Variants in PDE4D observed in about 807,000 individuals in gnomAD.
PDE4D encodes the protein 3',5'-cyclic-AMP phosphodiesterase 4D.
A neutral mutation model predicts 87.4 loss-of-function variants in PDE4D; 24 were observed. The observed-to-expected ratio is 0.27, with a 90% confidence interval of 0.20 to 0.39. PDE4D has a LOEUF of 0.39. Ranked by LOEUF, PDE4D falls within the 10% of genes least tolerant of loss-of-function variation. The pLI is 1.00. For missense variants in PDE4D, 714 were observed against 1,041.0 expected (o/e 0.69, Z 4.32); for synonymous variants, 384 against 383.2 (o/e 1.00, Z -0.02).
At chr5:60,318,915 A>AC (rs1305293918) in intron 1 of PDE4D, among the ~76,000 whole-genome samples, 3 of 152,086 alleles carry the variant, frequency 2.0e-5, no homozygotes, top group Non-Finnish European at 4.4e-5. Context: ...GCTGCCCTTA[A>AC]CATTTTTTCC....
At chr5:59,209,569 T>A (rs1347867888) in intron 2 of PDE4D, among the ~76,000 whole-genome samples, 4 of 152,140 alleles carry the variant, frequency 2.6e-5, no homozygotes, top group Non-Finnish European at 4.4e-5. Context: ...GCCCTTAATA[T>A]CTCAATTTTT....
intron 3 of PDE4D, among the ~76,000 whole-genome samples, chr5:59,937,893 T>C (rs1756775889): frequency 6.6e-6 from 1 of 152,208 alleles, no homozygotes; most frequent in Non-Finnish European, 1.5e-5. Context: ...ATGCTTCCTC[T>C]AAGGATCAAT....
intron 1 of PDE4D, among the ~76,000 whole-genome samples, chr5:59,705,943 G>A (rs920307284): frequency 5.3e-5 from 8 of 152,004 alleles, no homozygotes; most frequent in African/African-American, 9.7e-5. Flanking sequence ...CAGGAAGTTG[G>A]GGAAAGTACA....
At chr5:59,253,559 T>A (rs974865751) in intron 1 of PDE4D, among the ~76,000 whole-genome samples, 1 of 151,828 alleles carries the variant, frequency 6.6e-6, no homozygotes, top group African/African-American at 2.4e-5. Flanking sequence ...AATGTATGCA[T>A]TTTTTTCATT....
intron 1 of PDE4D, among the ~76,000 whole-genome samples, chr5:59,279,512 G>A (rs1476532830): frequency 6.6e-6 from 1 of 152,004 alleles, no homozygotes; most frequent in Non-Finnish European, 1.5e-5. Flanking sequence ...ATTCCCAAAG[G>A]AGAAGTCCGG....
At chr5:60,000,308 G>A (rs1554131360) in intron 2 of PDE4D, among the ~76,000 whole-genome samples, 1 of 152,070 alleles carries the variant, frequency 6.6e-6, no homozygotes, top group Admixed American at 6.6e-5. Flanking sequence ...AAATATCAAA[G>A]ACAAAAAGGG....
At chr5:59,976,883 C>T (rs1187219579) in intron 3 of PDE4D, among the ~76,000 whole-genome samples, 9 of 152,078 alleles carry the variant, frequency 5.9e-5, no homozygotes, top group African/African-American at 2.2e-4. Context: ...TTGGATGTTA[C>T]TATTTTAATT....
intron 5 of PDE4D, among the ~76,000 whole-genome samples, chr5:59,164,549 G>A (rs1781607814): frequency 6.6e-6 from 1 of 152,136 alleles, no homozygotes; most frequent in Admixed American, 6.5e-5. Context: ...CTTTCCCAAA[G>A]TCAAATAGCT....
At chr5:59,971,363 AAAAT>A (rs371424891) in intron 3 of PDE4D, among the ~76,000 whole-genome samples, 4 of 145,978 alleles carry the variant, frequency 2.7e-5, no homozygotes, top group Non-Finnish European at 6.0e-5. Context: ...ATAATAATAA[AAAAT>A]AAATAAATAA....
chr5:60,456,686 G>A (rs564232737), intron 1 of PDE4D, among the ~76,000 whole-genome samples: 41 of 152,256 alleles, frequency 2.7e-4, no homozygotes, highest in African/African-American at 9.6e-4. Flanking sequence ...TAAAGTTTTT[G>A]TCTCAACTTC....
chr5:60,373,381 G>A (rs766391545), intron 1 of PDE4D, among the ~76,000 whole-genome samples: 13 of 152,094 alleles, frequency 8.5e-5, no homozygotes, highest in Admixed American at 2.0e-4. Flanking sequence ...TTCCAACCAG[G>A]CTAGTCTCCT....
At chr5:60,493,807 G>T (rs907604840) in intron 1 of PDE4D, among the ~76,000 whole-genome samples, 8 of 151,994 alleles carry the variant, frequency 5.3e-5, no homozygotes, top group Non-Finnish European at 1.2e-4. Context: ...CAAGAAAAAT[G>T]AATTCCTTCA....
At chr5:60,010,031 G>C (rs965739699) in intron 2 of PDE4D, among the ~76,000 whole-genome samples, 3 of 151,924 alleles carry the variant, frequency 2.0e-5, no homozygotes, top group Non-Finnish European at 4.4e-5. Flanking sequence ...ATTTTAGATA[G>C]GGATCCATGA....
chr5:60,227,825 C>T (rs1312109128), intron 1 of PDE4D, among the ~76,000 whole-genome samples: 2 of 152,030 alleles, frequency 1.3e-5, no homozygotes, highest in African/African-American at 4.8e-5. Flanking sequence ...TATTTCAGTG[C>T]TATTCTATTG....
chr5:60,401,200 C>T (rs1245510294), intron 1 of PDE4D, among the ~76,000 whole-genome samples: 1 of 152,020 alleles, frequency 6.6e-6, no homozygotes, highest in Non-Finnish European at 1.5e-5. Flanking sequence ...CATGATAAGC[C>T]CAAATTTCAA....
intron 1 of PDE4D, among the ~76,000 whole-genome samples, chr5:59,669,075 T>C (rs553325183): frequency 5.3e-5 from 8 of 152,310 alleles, no homozygotes; most frequent in African/African-American, 1.9e-4. Flanking sequence ...TTGGTTGTAA[T>C]ATGATCAGAT....
chr5:60,193,725 G>C (rs1032373624), intron 1 of PDE4D, among the ~76,000 whole-genome samples: 2 of 147,904 alleles, frequency 1.4e-5, no homozygotes, highest in Admixed American at 6.7e-5. Context: ...AGAAAAAGCT[G>C]TCACAATTTT....
intron 1 of PDE4D, among the ~76,000 whole-genome samples, chr5:59,699,184 A>C (rs1752224227): frequency 1.3e-5 from 2 of 152,198 alleles, no homozygotes; most frequent in Non-Finnish European, 2.9e-5. Flanking sequence ...AATTATATTA[A>C]TAGTTCCATG....
At chr5:60,008,368 A>G (rs1764682791) in intron 2 of PDE4D, among the ~76,000 whole-genome samples, 4 of 152,050 alleles carry the variant, frequency 2.6e-5, no homozygotes, top group Admixed American at 2.6e-4. Flanking sequence ...CCAGAAATCT[A>G]TATTTAATGA....
Sources: gnomAD v4.1 joint callset for allele counts (sites outside exome capture counted in the v4.1 genomes callset) on GRCh38, gnomAD v4.1.1 for gene constraint, MANE v1.5 for transcripts, NCBI Gene and HGNC (gene_info 2026-07-23, HGNC 2026-07-21) for gene names.